RBPJ: variants seen among roughly 807,000 people sequenced by gnomAD.
The protein encoded by RBPJ is recombination signal binding protein for immunoglobulin kappa J region.
RBPJ carries 9 observed loss-of-function variants against 67.8 expected under a neutral mutation model. The ratio of observed to expected loss-of-function variants is 0.13; its 90% CI spans 0.08 to 0.23. The LOEUF (loss-of-function observed/expected upper bound fraction) is 0.23, where lower values mean the gene tolerates loss of function less well. RBPJ is among the 10% of genes least tolerant of loss of function. The pLI is 1.00. For missense variants in RBPJ, 305 were observed against 595.6 expected (o/e 0.51, Z 5.08); for synonymous variants, 198 against 203.3 (o/e 0.97, Z 0.22).
At chr4:26,257,118 T>C (rs1243994464) in intron 1 of RBPJ, among the ~76,000 whole-genome samples, 4 of 152,220 alleles carry the variant, frequency 2.6e-5, no homozygotes, top group African/African-American at 4.8e-5. Context: ...GTTGAGTATA[T>C]GTATCAGGTA....
the RBPJ span, among the ~76,000 whole-genome samples, chr4:26,124,415 CATATATATATATATATATAT>C: frequency 0.16 from 9,761 of 62,444 alleles, 886 homozygotes; most frequent in South Asian, 0.25. Flanking sequence ...AGTATTCCAT[CATATATATATATATATATAT>C]ATATATATAT....
chr4:26,268,019 ATT>A (rs33970711), intron 1 of RBPJ, among the ~76,000 whole-genome samples: 3 of 152,036 alleles, frequency 2.0e-5, no homozygotes, highest in African/African-American at 7.2e-5. Context: ...AATAAAAATG[ATT>A]TTTTTTAAGG....
At chr4:26,236,096 G>A (rs76400228) in intron 1 of RBPJ, among the ~76,000 whole-genome samples, 4,667 of 152,260 alleles carry the variant, frequency 0.031, 95 homozygotes, top group Non-Finnish European at 0.047. Context: ...CTGAATAAAT[G>A]AGCCCAGAAA....
At chr4:26,201,926 G>A (rs1227950175) in intron 1 of RBPJ, among the ~76,000 whole-genome samples, 1 of 152,170 alleles carries the variant, frequency 6.6e-6, no homozygotes, top group Non-Finnish European at 1.5e-5. Context: ...CGAGCTACCT[G>A]TTACAAAATT....
chr4:26,323,848 T>A (rs1448339568), intron 1 of RBPJ, among the ~76,000 whole-genome samples: 1 of 152,178 alleles, frequency 6.6e-6, no homozygotes, highest in Non-Finnish European at 1.5e-5. Context: ...CGTTTGAAAG[T>A]TATTATACAT....
chr4:26,335,993 T>A (rs13128399), intron 1 of RBPJ, among the ~76,000 whole-genome samples: 1 of 151,866 alleles, frequency 6.6e-6, no homozygotes, highest in Non-Finnish European at 1.5e-5. Context: ...TGTAGGGGGA[T>A]CTGGTCACCT....
intron 1 of RBPJ, among the ~76,000 whole-genome samples, chr4:26,248,382 T>C (rs1326070345): frequency 2.0e-5 from 3 of 152,234 alleles, no homozygotes; most frequent in Non-Finnish European, 4.4e-5. Flanking sequence ...TTGGAATTTC[T>C]AGGCATACAA....
At chr4:26,239,411 T>C (rs1719558345) in intron 1 of RBPJ, among the ~76,000 whole-genome samples, 1 of 152,234 alleles carries the variant, frequency 6.6e-6, no homozygotes, top group South Asian at 2.1e-4. Context: ...GGTAACACTT[T>C]GCATTGAGCA....
chr4:26,133,637 A>G, the RBPJ span, among the ~76,000 whole-genome samples: 1 of 152,192 alleles, frequency 6.6e-6, no homozygotes, highest in African/African-American at 2.4e-5. Flanking sequence ...CGTGAACCCT[A>G]TAGGGAACTG....
intron 1 of RBPJ, among the ~76,000 whole-genome samples, chr4:26,255,970 T>G (rs1720331137): frequency 6.6e-6 from 1 of 152,170 alleles, no homozygotes; most frequent in Non-Finnish European, 1.5e-5. Context: ...GGGTACTTCT[T>G]GTTTTCTATT....
At chr4:26,182,707 C>T (rs1395079276) in intron 1 of RBPJ, among the ~76,000 whole-genome samples, 2 of 151,966 alleles carry the variant, frequency 1.3e-5, no homozygotes, top group South Asian at 4.2e-4. Context: ...TTATGTTACC[C>T]AGACTGGTCT....
chr4:26,402,420 C>T (rs1414369663), intron 2 of RBPJ, among the ~76,000 whole-genome samples: 1 of 152,188 alleles, frequency 6.6e-6, no homozygotes, highest in Non-Finnish European at 1.5e-5. Context: ...CCATAGTTAG[C>T]TTCCTTTTCC....
At chr4:26,195,252 C>T (rs978231810) in intron 1 of RBPJ, among the ~76,000 whole-genome samples, 1 of 152,114 alleles carries the variant, frequency 6.6e-6, no homozygotes, top group African/African-American at 2.4e-5. Flanking sequence ...TGCCTGTAGT[C>T]CTACCTACTT....
rs1736143991 is a variant in RBPJ, at chr4:26,430,864, T to G, written c.1321T>G (p.Cys441Gly). Residue 441 changes from cysteine (C) to glycine (G), a missense_variant, in exon 11 of 11, where the codon TGC becomes GGC. By Grantham distance (159) the Cys-to-Gly change is radical. Around this residue, in one of 7 missense-constraint regions of RBPJ, gnomAD observed 47 missense variants for 128.2 expected, o/e 0.37. Coordinates refer to ENST00000355476, the MANE Select transcript of RBPJ (RefSeq NM_015874.6). This position sits in a 1 kb window ranked among gnomAD's most constrained non-coding sequence, Gnocchi z 4.1. ...YTPEPGPRPH[C>G]SAAGAILRAN... The stretch of plus-strand genomic sequence containing the variant: ...ACCAGAACCAGGGCCGCGGCCACAT[T>G]GCAGTGCAGCAGGAGCAATCCTTCG... 6.2e-7 allele frequency: 1 copy of G among 1,614,006 alleles called. No homozygotes were observed. The highest frequency in any genetic ancestry group is 8.5e-7 in the Non-Finnish European group (1 of 1,179,978).
chr4:26,272,415 T>G (rs1228576986), intron 1 of RBPJ, among the ~76,000 whole-genome samples: 1 of 151,938 alleles, frequency 6.6e-6, no homozygotes, highest in Non-Finnish European at 1.5e-5. Flanking sequence ...AAAAAATTTT[T>G]TTTTAATTAG....
At chr4:26,319,828 C>T (rs755897346), upstream of RBPJ, 4 of 1,571,152 alleles carry the variant, frequency 2.5e-6, no homozygotes, top group South Asian at 4.4e-5. Context: ...GGAGGCAGTG[C>T]TGGATCTGGG....
At chr4:26,332,596 C>A (rs1347112044) in intron 1 of RBPJ, among the ~76,000 whole-genome samples, 2 of 152,006 alleles carry the variant, frequency 1.3e-5, no homozygotes, top group African/African-American at 4.8e-5. Context: ...ATAAAATAAT[C>A]ATCTTGATTA....
At chr4:26,292,831 A>G (rs373481650) in intron 1 of RBPJ, among the ~76,000 whole-genome samples, 9 of 150,742 alleles carry the variant, frequency 6.0e-5, no homozygotes, top group Admixed American at 4.0e-4. Flanking sequence ...ATATATATAT[A>G]TGTGTATCAC....
chr4:26,366,979 C>A (rs1265799035), intron 1 of RBPJ, among the ~76,000 whole-genome samples: 1 of 151,476 alleles, frequency 6.6e-6, no homozygotes, highest in African/African-American at 2.4e-5. Flanking sequence ...CAAAAATTAG[C>A]CAGGCATGGT....
Sources: allele counts gnomAD v4.1 joint callset (sites outside exome capture counted in the v4.1 genomes callset), GRCh38; gene constraint gnomAD v4.1.1; regional missense constraint gnomAD v4.1.1; non-coding constraint Gnocchi (gnomAD v3.1); transcripts MANE v1.5; gene names NCBI Gene and HGNC (gene_info 2026-07-23, HGNC 2026-07-21).